The following USP13 variants were observed in gnomAD, a reference collection of about 807,000 sequenced individuals.
USP13 encodes ubiquitin specific peptidase 13.
In USP13, 68 loss-of-function variants were observed where a neutral mutation model predicts 107.8. The observed-to-expected ratio is 0.63, with a 90% CI of 0.52 to 0.77. The LOEUF (loss-of-function observed/expected upper bound fraction) is 0.77. Among genes scored for constraint, USP13 ranks in the 30% least tolerant of loss-of-function variants. The probability of loss-of-function intolerance (pLI) is 0.00; values close to 1 mark genes in which losing one functional copy is unlikely to be tolerated. For synonymous variants in USP13, 377 were observed against 389.5 expected, an observed-to-expected ratio of 0.97 and a Z score of 0.38; for missense variants, 945 against 1,093.3, an observed-to-expected ratio of 0.86 and a Z score of 1.91.
intron 20 of USP13, among the ~76,000 whole-genome samples, chr3:179,783,552 C>T (rs1715818170): frequency 6.6e-6 from 1 of 152,148 alleles, no homozygotes; most frequent in African/African-American, 2.4e-5. Flanking sequence ...TAGTTTTATA[C>T]TAAGACTGAA....
chr3:179,731,800 C>T (rs185881125), intron 10 of USP13, among the ~76,000 whole-genome samples: 128 of 152,290 alleles, frequency 8.4e-4, no homozygotes, highest in African/African-American at 2.5e-3. Flanking sequence ...CCCACTTCCC[C>T]GCCACCTGCT....
intron 1 of USP13, among the ~76,000 whole-genome samples, chr3:179,657,795 AAG>A (rs1720321059): frequency 6.6e-6 from 1 of 150,526 alleles, no homozygotes; most frequent in African/African-American, 2.5e-5. Context: ...AAGAAAGAAA[AAG>A]AGTTAATCAC....
chr3:179,686,502 G>A (rs952208876), intron 2 of USP13, among the ~76,000 whole-genome samples: 13 of 152,168 alleles, frequency 8.5e-5, no homozygotes, highest in African/African-American at 3.1e-4. Context: ...GAATACTTGA[G>A]CCCAGGAATT....
At chr3:179,704,072 A>G (rs1712629275) in intron 4 of USP13, among the ~76,000 whole-genome samples, 2 of 152,284 alleles carry the variant, frequency 1.3e-5, no homozygotes, top group South Asian at 2.1e-4. Context: ...ATATCCAGGG[A>G]AAAATAGTTC....
chr3:179,666,235 G>A (rs1020668151), intron 1 of USP13, among the ~76,000 whole-genome samples: 1 of 152,182 alleles, frequency 6.6e-6, no homozygotes, highest in Admixed American at 6.5e-5. Flanking sequence ...CATTCCGGAA[G>A]TGGAATGAGG....
rs527372369 is a variant in USP13, at chr3:179,739,827, A to G, written c.1255-420A>G. Among the ~76,000 whole-genome samples, 3 of 152,206 alleles carry G rather than the reference A, an allele frequency of 2.0e-5. No individual in the cohort carries two copies. In the East Asian group the frequency reaches 5.8e-4, roughly 29 times the overall value. On this transcript the variant is annotated intron_variant, in intron 10 of 20. Transcript: ENST00000263966. ...ACCTGCCTCGGCCTCCCAAAATGCTAGGATTACAGGCATGAGCCAACACAC... is the reference window on the plus strand; with the variant it reads ...ACCTGCCTCGGCCTCCCAAAATGCTGGGATTACAGGCATGAGCCAACACAC...
At chr3:179,750,972 T>C (rs1041657435) in intron 13 of USP13, among the ~76,000 whole-genome samples, 3 of 152,206 alleles carry the variant, frequency 2.0e-5, no homozygotes, top group African/African-American at 7.2e-5. Flanking sequence ...GCATTTGTTT[T>C]CTAACAGAAG....
At chr3:179,760,535 G>A (rs973552045) in intron 16 of USP13, among the ~76,000 whole-genome samples, 3 of 151,960 alleles carry the variant, frequency 2.0e-5, no homozygotes, top group Admixed American at 6.6e-5. Flanking sequence ...CGCCCGCCTC[G>A]GCCTCCCAAA....
At chr3:179,779,079 C>T (rs1289451127) in intron 19 of USP13, among the ~76,000 whole-genome samples, 1 of 151,902 alleles carries the variant, frequency 6.6e-6, no homozygotes, top group Non-Finnish European at 1.5e-5. Context: ...AGGAGGAGCC[C>T]GGAGGCCAAG....
At chr3:179,654,175 C>G (rs1720180893) in intron 1 of USP13, among the ~76,000 whole-genome samples, 1 of 148,176 alleles carries the variant, frequency 6.7e-6, no homozygotes, top group African/African-American at 2.5e-5. Context: ...GATCGCGCCA[C>G]TGCCCTCCAG....
At chr3:179,667,337 C>T (rs1405195623) in intron 1 of USP13, among the ~76,000 whole-genome samples, 2 of 152,076 alleles carry the variant, frequency 1.3e-5, no homozygotes, top group Non-Finnish European at 2.9e-5. Flanking sequence ...TATGGGTTAG[C>T]CTGGAAATTC....
chr3:179,658,670 A>G (rs1720362708), intron 1 of USP13, among the ~76,000 whole-genome samples: 1 of 151,892 alleles, frequency 6.6e-6, no homozygotes, highest in Admixed American at 6.6e-5. Flanking sequence ...CTCACTGGGG[A>G]CTCCTTGGGT....
At position 179,708,735 on chromosome 3, in the gene USP13, G is replaced by A. The variant is rs1712812976; in HGVS notation, c.621-38G>A. The stretch of plus-strand genomic sequence containing the variant: ...CTTAGATGTTAAGTTTTAAAATTAT[G>A]CCCTGGCTGTTCTGACTACTCTCCA... On this transcript the variant is annotated intron_variant, in intron 5 of 20. Coordinates refer to ENST00000263966, the MANE Select transcript of USP13 (RefSeq NM_003940.3). The A allele has an allele frequency of 8.7e-6, 14 of 1,608,052 alleles. No homozygotes were observed. In the East Asian group the frequency reaches 3.1e-4, roughly 36 times the overall value.
At chr3:179,738,574 T>G (rs950031374) in intron 10 of USP13, among the ~76,000 whole-genome samples, 1 of 152,208 alleles carries the variant, frequency 6.6e-6, no homozygotes, top group Non-Finnish European at 1.5e-5. Flanking sequence ...ACAGTAGGTA[T>G]CACCATTAGT....
intron 4 of USP13, among the ~76,000 whole-genome samples, chr3:179,702,584 G>A (rs1023264196): frequency 3.3e-5 from 5 of 152,128 alleles, no homozygotes; most frequent in African/African-American, 1.2e-4. Context: ...CTAGGGACTC[G>A]GTTTCCACCA....
At chr3:179,672,595 G>C (rs887626369) in intron 1 of USP13, among the ~76,000 whole-genome samples, 5 of 152,002 alleles carry the variant, frequency 3.3e-5, no homozygotes, top group Non-Finnish European at 7.4e-5. Flanking sequence ...ACTATTCCCG[G>C]CTAATTTCTT....
intron 4 of USP13, among the ~76,000 whole-genome samples, chr3:179,706,450 A>T (rs946051384): frequency 6.6e-6 from 1 of 152,240 alleles, no homozygotes; most frequent in Non-Finnish European, 1.5e-5. Context: ...CATTTGCACC[A>T]GATTAAGAAA....
intron 1 of USP13, among the ~76,000 whole-genome samples, chr3:179,674,112 C>T (rs1005697133): frequency 7.9e-5 from 12 of 152,162 alleles, no homozygotes; most frequent in Middle Eastern, 3.4e-3. Flanking sequence ...AGGCTGGTCT[C>T]GAACTCCTGA....
In USP13 at chr3:179,722,596, G is replaced by A. The variant is rs79116691; in HGVS notation, c.1088+1007G>A. On this transcript the variant is annotated intron_variant, in intron 8 of 20. Coordinates refer to ENST00000263966, the MANE Select transcript of USP13 (RefSeq NM_003940.3). ...GTGTAATAATCACATTGGGGTAATT[G>A]GGGTATTCATCACCTCAAGCATTTG... Among the ~76,000 whole-genome samples, 1,429 of 152,046 alleles carry A rather than the reference G, an allele frequency of 9.4e-3. 22 individuals are homozygous for A. Among genetic ancestry groups the A allele is most frequent in the African/African-American group, 0.033 (1,353 of 41,422 alleles).
Sources: gnomAD v4.1 joint callset for allele counts (sites outside exome capture counted in the v4.1 genomes callset) on GRCh38, gnomAD v4.1.1 for gene constraint, MANE v1.5 for transcripts, NCBI Gene and HGNC (gene_info 2026-07-23, HGNC 2026-07-21) for gene names.